The following CBFA2T2 variants were observed in gnomAD, a reference collection of about 807,000 sequenced individuals.
CBFA2T2 encodes protein CBFA2T2.
In CBFA2T2, 11 loss-of-function variants were observed where a neutral mutation model predicts 62.2. The ratio of observed to expected loss-of-function variants is 0.18; its 90% CI spans 0.11 to 0.29. The LOEUF (loss-of-function observed/expected upper bound fraction) is 0.29. CBFA2T2 is among the 10% of genes least tolerant of loss of function. CBFA2T2 has a pLI of 1.00. For missense variants in CBFA2T2, 592 were observed against 774.1 expected, an observed-to-expected ratio of 0.76 and a Z score of 2.79; for synonymous variants, 295 against 287.5, an observed-to-expected ratio of 1.03 and a Z score of -0.27.
intron 1 of CBFA2T2, among the ~76,000 whole-genome samples, chr20:33,585,876 G>C (rs571822828): frequency 1.3e-5 from 2 of 152,266 alleles, no homozygotes; most frequent in Admixed American, 1.3e-4. Context: ...CTAGAACTAT[G>C]GCAGAGTGAT....
intron 1 of CBFA2T2, among the ~76,000 whole-genome samples, chr20:33,491,458 G>A (rs2011145814): frequency 6.6e-6 from 1 of 152,104 alleles, no homozygotes; most frequent in Non-Finnish European, 1.5e-5. Flanking sequence ...ATGAAACTGA[G>A]TAACAGAAGG....
intron 1 of CBFA2T2, among the ~76,000 whole-genome samples, chr20:33,501,305 C>T (rs1289268106): frequency 6.6e-6 from 1 of 152,146 alleles, no homozygotes; most frequent in Non-Finnish European, 1.5e-5. Context: ...AAATGTTTCC[C>T]TTATTTCTTT....
At chr20:33,524,818 C>A (rs1407578632) in intron 1 of CBFA2T2, among the ~76,000 whole-genome samples, 1 of 152,098 alleles carries the variant, frequency 6.6e-6, no homozygotes, top group Non-Finnish European at 1.5e-5. Flanking sequence ...CTATATATGT[C>A]AGAAAATGTG....
In CBFA2T2 at chr20:33,600,182, G is replaced by GTTTTTTTT. The variant is rs1183371343; in HGVS notation, c.35-6752_35-6745dup. ...AAGTTAGAATTATCACTTTTGGAAA[G>GTTTTTTTT]TTTTTTTTTTTTTTTTTTTTTTTTT... is the stretch of plus-strand genomic sequence containing the variant. On this transcript the variant is annotated intron_variant, in intron 1 of 10. Coordinates refer to ENST00000342704, the MANE Select transcript of CBFA2T2 (RefSeq NM_001032999.3). 1.0e-3 allele frequency among the ~76,000 whole-genome samples: 65 copies of GTTTTTTTT among 62,066 alleles called. 4 individuals are homozygous for GTTTTTTTT. Among genetic ancestry groups the GTTTTTTTT allele is most frequent in the African/African-American group, 1.4e-3 (22 of 15,378 alleles). The allele number at this position is 62,066 out of a possible 152,430, so 40.7% of individuals were successfully genotyped here. A position where few individuals can be genotyped will look rare whatever the true frequency, so the allele number is the denominator to read the frequency against.
intron 1 of CBFA2T2, among the ~76,000 whole-genome samples, chr20:33,553,183 C>CT (rs1002589273): frequency 3.5e-4 from 54 of 152,114 alleles, no homozygotes; most frequent in Admixed American, 1.1e-3. Flanking sequence ...AGTATTAGAA[C>CT]TTTTTTTTGT....
At chr20:33,513,574 G>A (rs987450416) in intron 1 of CBFA2T2, among the ~76,000 whole-genome samples, 1 of 151,582 alleles carries the variant, frequency 6.6e-6, no homozygotes, top group Non-Finnish European at 1.5e-5. Context: ...TGTTGGCCAG[G>A]CAGGTCTCGA....
chr20:33,629,113 T>C (rs1330862408), intron 7 of CBFA2T2, among the ~76,000 whole-genome samples: 2 of 152,224 alleles, frequency 1.3e-5, no homozygotes, highest in Admixed American at 6.5e-5. Context: ...TTCATTTGTA[T>C]TTGTTAAATT....
chr20:33,530,056 G>C (rs2012014776), intron 1 of CBFA2T2, among the ~76,000 whole-genome samples: 1 of 151,816 alleles, frequency 6.6e-6, no homozygotes, highest in South Asian at 2.1e-4. Flanking sequence ...CAAAGTGCTG[G>C]GATTACAGGC....
At chr20:33,627,336 G>T (rs1211585320) in intron 6 of CBFA2T2, among the ~76,000 whole-genome samples, 1 of 152,096 alleles carries the variant, frequency 6.6e-6, no homozygotes, top group Non-Finnish European at 1.5e-5. Context: ...GGTGGGGGTT[G>T]CAGTGAGCCA....
intron 1 of CBFA2T2, among the ~76,000 whole-genome samples, chr20:33,597,744 G>C (rs995007944): frequency 6.6e-6 from 1 of 152,154 alleles, no homozygotes. Context: ...GTAGTTCTTC[G>C]GTAGGTACAT....
intron 1 of CBFA2T2, among the ~76,000 whole-genome samples, chr20:33,591,467 CAAAAAAAAAAAA>C (rs11475752): frequency 0.094 from 9,270 of 98,172 alleles, 791 homozygotes; most frequent in Admixed American, 0.24. Context: ...GAGTAAATCT[CAAAAAAAAAAAA>C]AAAAAAGAAA....
intron 10 of CBFA2T2, among the ~76,000 whole-genome samples, chr20:33,641,957 G>A (rs2016857575): frequency 6.6e-6 from 1 of 151,576 alleles, no homozygotes; most frequent in Admixed American, 6.6e-5. Context: ...ACATGGCAAT[G>A]TGCAGATGAA....
intron 1 of CBFA2T2, chr20:33,562,712 C>T: frequency 3.1e-6 from 3 of 976,670 alleles, no homozygotes; most frequent in Non-Finnish European, 3.6e-6. Context: ...GGTTAAAGTG[C>T]ACAATTCTCT....
intron 1 of CBFA2T2, among the ~76,000 whole-genome samples, chr20:33,606,123 A>C (rs1379832574): frequency 6.6e-6 from 1 of 152,026 alleles, no homozygotes; most frequent in Non-Finnish European, 1.5e-5. Flanking sequence ...CCAGCCTATT[A>C]ATATTGATTT....
At chr20:33,538,975 TTCCAACTTATTTATTCC>T (rs1462666347) in intron 1 of CBFA2T2, among the ~76,000 whole-genome samples, 1 of 152,194 alleles carries the variant, frequency 6.6e-6, no homozygotes, top group African/African-American at 2.4e-5. Context: ...TTACATGAAG[TTCCAACTTATTTATTCC>T]TCCACATTGG....
chr20:33,633,383 A>C (rs2016523840), intron 8 of CBFA2T2, among the ~76,000 whole-genome samples: 1 of 140,790 alleles, frequency 7.1e-6, no homozygotes, highest in African/African-American at 3.0e-5. Context: ...AAAAAAAATA[A>C]ATAAATAAAT....
intron 1 of CBFA2T2, among the ~76,000 whole-genome samples, chr20:33,547,299 C>T (rs190552633): frequency 5.1e-4 from 77 of 152,218 alleles, no homozygotes; most frequent in African/African-American, 1.4e-3. Context: ...GAAGCTGAGT[C>T]GGGAGGATGA....
At chr20:33,523,445 G>T (rs1344622283) in intron 1 of CBFA2T2, among the ~76,000 whole-genome samples, 1 of 151,734 alleles carries the variant, frequency 6.6e-6, no homozygotes, top group East Asian at 1.9e-4. Flanking sequence ...TTTAATTACA[G>T]AGTCTATCTT....
At chr20:33,540,217 A>G (rs1159260210) in intron 1 of CBFA2T2, among the ~76,000 whole-genome samples, 2 of 152,214 alleles carry the variant, frequency 1.3e-5, no homozygotes, top group Non-Finnish European at 2.9e-5. Context: ...ATGTGGTAGA[A>G]TATTCAGTAT....
Sources: allele counts gnomAD v4.1 joint callset (sites outside exome capture counted in the v4.1 genomes callset), GRCh38; gene constraint gnomAD v4.1.1; transcripts MANE v1.5; gene names NCBI Gene and HGNC (gene_info 2026-07-23, HGNC 2026-07-21).